ZNF609: variants seen among roughly 807,000 people sequenced by gnomAD.
The protein encoded by ZNF609 is zinc finger protein 609.
Under a neutral mutation model 109.5 loss-of-function variants are expected in ZNF609, and 11 were observed. The ratio of observed to expected loss-of-function variants is 0.10; its 90% CI spans 0.06 to 0.17. The LOEUF (loss-of-function observed/expected upper bound fraction) is 0.17, where lower values mean the gene tolerates loss of function less well. ZNF609 is among the 10% of genes least tolerant of loss of function. The pLI, the probability that ZNF609 is intolerant of heterozygous loss-of-function variation, is 1.00. For missense variants in ZNF609, 1,559 were observed against 1,772.4 expected, an observed-to-expected ratio of 0.88 and a Z score of 2.16; for synonymous variants, 646 against 662.0, an observed-to-expected ratio of 0.98 and a Z score of 0.37.
chr15:64,548,524 C>T (rs1283518499), intron 2 of ZNF609, among the ~76,000 whole-genome samples: 1 of 152,136 alleles, frequency 6.6e-6, no homozygotes, highest in Non-Finnish European at 1.5e-5. Context: ...ACTTTGGGAG[C>T]CTCTGGTAGG....
rs1895908822 is a variant in ZNF609 at position 64,623,480 on chromosome 15, G to C, written c.973+428G>C. 2.6e-5 allele frequency among the ~76,000 whole-genome samples: 4 copies of C among 152,180 alleles called. No homozygotes were observed. In the South Asian group the frequency reaches 6.2e-4, roughly 24 times the overall value. ...TTAATGTTGGCTCATTGCATATGCA[G>C]CTCTTGCCTTTTTTAACACCTATAG... is the stretch of plus-strand genomic sequence containing the variant. On this transcript the variant is annotated intron_variant, in intron 3 of 9. Coordinates refer to ENST00000326648, the MANE Select transcript of ZNF609 (RefSeq NM_015042.2).
chr15:64,665,727 A>T (rs1201042205), intron 3 of ZNF609, among the ~76,000 whole-genome samples: 1 of 152,098 alleles, frequency 6.6e-6, no homozygotes, highest in Non-Finnish European at 1.5e-5. Flanking sequence ...CTCAACATGG[A>T]GAAACCCCAT....
intron 1 of ZNF609, among the ~76,000 whole-genome samples, chr15:64,484,006 A>C (rs1039755573): frequency 6.6e-6 from 1 of 150,418 alleles, no homozygotes; most frequent in African/African-American, 2.4e-5. Flanking sequence ...TTGTTAATCA[A>C]ATATTAACAA....
chr15:64,660,335 C>T (rs921358945), intron 3 of ZNF609, among the ~76,000 whole-genome samples: 5 of 151,990 alleles, frequency 3.3e-5, no homozygotes, highest in African/African-American at 1.2e-4. Context: ...ATACAGTTCC[C>T]CTCTGGCCTC....
At chr15:64,465,446 A>T (rs1893001539) in intron 1 of ZNF609, among the ~76,000 whole-genome samples, 1 of 151,934 alleles carries the variant, frequency 6.6e-6, no homozygotes, top group African/African-American at 2.4e-5. Context: ...TAATGGTGCG[A>T]TCTCGGCTCA....
chr15:64,616,840 A>C (rs1321145890), intron 2 of ZNF609, among the ~76,000 whole-genome samples: 9 of 43,684 alleles, frequency 2.1e-4, no homozygotes, highest in Non-Finnish European at 2.0e-4. Flanking sequence ...TTTTTTTTGC[A>C]CTCTGTCGCC....
rs544355241 is a variant in ZNF609 at position 64,632,316 on chromosome 15, A to G, written c.973+9264A>G. On this transcript the variant is annotated intron_variant, in intron 3 of 9. Coordinates refer to ENST00000326648, the MANE Select transcript of ZNF609 (RefSeq NM_015042.2). ...GCAATCCTCCCGCCTCACCTCCCAA[A>G]ATGCTGGTATTACAGGCATGAGCAA... 3.2e-4 allele frequency among the ~76,000 whole-genome samples: 48 copies of G among 152,076 alleles called. No individual in the cohort carries two copies. The South Asian group carries it at 8.8e-3, about 28-fold the overall frequency.
At position 64,684,435 on chromosome 15, in the gene ZNF609, A is replaced by C. The variant is rs1440230608; in HGVS notation, c.*2749A>C. 1 of 152,266 alleles carries C rather than the reference A, an allele frequency of 6.6e-6. No homozygotes were observed. The highest frequency in any genetic ancestry group is 2.4e-5 in the African/African-American group (1 of 41,448). The allele number at this position is 152,266 out of a possible 1,614,324, so 9.4% of individuals were successfully genotyped here. On this transcript the variant is annotated 3_prime_UTR_variant, in exon 10 of 10. Coordinates refer to ENST00000326648, the MANE Select transcript of ZNF609 (RefSeq NM_015042.2). ...AAGAGGGAGGGGGCCTCATCCCCAGATAGATCAGGCAAGGCTTGGAGAGCT... is the reference window on the plus strand; with the variant it reads ...AAGAGGGAGGGGGCCTCATCCCCAGCTAGATCAGGCAAGGCTTGGAGAGCT...
At chr15:64,478,376 A>G (rs1439403566) in intron 1 of ZNF609, among the ~76,000 whole-genome samples, 2 of 149,896 alleles carry the variant, frequency 1.3e-5, no homozygotes, top group Non-Finnish European at 3.0e-5. Flanking sequence ...GAATAAATGA[A>G]CTTTTTTTTT....
chr15:64,535,054 T>G (rs1469524119), intron 2 of ZNF609, among the ~76,000 whole-genome samples: 3 of 150,464 alleles, frequency 2.0e-5, no homozygotes, highest in East Asian at 3.9e-4. Flanking sequence ...AAAAAAAAAC[T>G]GTTATTTATA....
intron 2 of ZNF609, among the ~76,000 whole-genome samples, chr15:64,576,917 C>T (rs1894965143): frequency 8.5e-6 from 1 of 118,072 alleles, no homozygotes; most frequent in Non-Finnish European, 1.8e-5. Context: ...TGTATATATA[C>T]ATATATGTGT....
chr15:64,486,996 G>C (rs958045083), intron 1 of ZNF609, among the ~76,000 whole-genome samples: 1 of 151,976 alleles, frequency 6.6e-6, no homozygotes, highest in Admixed American at 6.6e-5. Flanking sequence ...TTTTGGTTAG[G>C]TCGATATTCA....
At chr15:64,480,510 A>G (rs895386950) in intron 1 of ZNF609, among the ~76,000 whole-genome samples, 1 of 151,980 alleles carries the variant, frequency 6.6e-6, no homozygotes, top group African/African-American at 2.4e-5. Context: ...CAGCCTGCAC[A>G]ACAAGAGTGA....
At chr15:64,484,972 A>T (rs1168515931) in intron 1 of ZNF609, among the ~76,000 whole-genome samples, 1 of 151,626 alleles carries the variant, frequency 6.6e-6, no homozygotes, top group African/African-American at 2.4e-5. Flanking sequence ...ACTCCGTCTC[A>T]AAAAAAAAGT....
intron 1 of ZNF609, among the ~76,000 whole-genome samples, chr15:64,475,492 G>A (rs1365696685): frequency 5.5e-5 from 8 of 146,650 alleles, no homozygotes; most frequent in Non-Finnish European, 1.2e-4. Flanking sequence ...AGGTTCAAGC[G>A]ATTCTCCTGC....
chr15:64,462,801 C>G (rs572286059), intron 1 of ZNF609, among the ~76,000 whole-genome samples: 52 of 152,120 alleles, frequency 3.4e-4, no homozygotes, highest in African/African-American at 1.2e-3. Flanking sequence ...ATATCTGCCT[C>G]TGTATTAAGA....
At chr15:64,546,713 A>T (rs575592554) in intron 2 of ZNF609, among the ~76,000 whole-genome samples, 1 of 151,278 alleles carries the variant, frequency 6.6e-6, no homozygotes, top group Non-Finnish European at 1.5e-5. Flanking sequence ...GACTCAAGCA[A>T]TCCACCTGCC....
intron 3 of ZNF609, among the ~76,000 whole-genome samples, chr15:64,644,227 A>G (rs575752470): frequency 7.2e-5 from 11 of 152,370 alleles, no homozygotes; most frequent in East Asian, 1.9e-4. Flanking sequence ...GCCAAGGCCA[A>G]TGGCTCACAC....
Position 64,499,381 on chromosome 15 carries a change from G to C in ZNF609, c.-39G>C, listed in dbSNP as rs1893526167. ...TGAAAATAGGAAAGCTGGGGGCAAGGAAGAGCCTTGAATCTTGAGGTGGGA... is the reference window on the plus strand; with the variant it reads ...TGAAAATAGGAAAGCTGGGGGCAAGCAAGAGCCTTGAATCTTGAGGTGGGA... On this transcript the variant is annotated 5_prime_UTR_variant, in exon 2 of 10. Coordinates refer to ENST00000326648, the MANE Select transcript of ZNF609 (RefSeq NM_015042.2). The C allele has an allele frequency of 4.4e-6, 7 of 1,592,972 alleles. No individual in the cohort carries two copies. The African/African-American group carries it at 6.7e-5, about 15-fold the overall frequency.
Sources: gnomAD v4.1 joint callset for allele counts (sites outside exome capture counted in the v4.1 genomes callset) on GRCh38, gnomAD v4.1.1 for gene constraint, MANE v1.5 for transcripts, NCBI Gene and HGNC (gene_info 2026-07-23, HGNC 2026-07-21) for gene names.